Variants in RASEF observed in about 807,000 individuals in gnomAD.
RASEF encodes ras and EF-hand domain-containing protein.
RASEF carries 68 observed loss-of-function variants against 90.1 expected under a neutral mutation model. That is an observed-to-expected ratio of 0.75 (90% CI 0.62 to 0.92). The LOEUF is 0.92. RASEF is among the 40% of genes least tolerant of loss of function. RASEF has a pLI of 0.00. For synonymous variants in RASEF, 331 were observed against 345.2 expected (o/e 0.96, Z 0.46); for missense variants, 949 against 937.2 (o/e 1.01, Z -0.16).
intron 5 of RASEF, among the ~76,000 whole-genome samples, chr9:83,012,021 T>C (rs1286959630): frequency 1.3e-5 from 2 of 152,076 alleles, no homozygotes; most frequent in African/African-American, 2.4e-5. Context: ...TATGTAAATG[T>C]TACCAATTTT....
the RASEF span, among the ~76,000 whole-genome samples, chr9:83,108,606 T>C: frequency 0.032 from 4,816 of 152,196 alleles, 260 homozygotes; most frequent in African/African-American, 0.11. Context: ...AAGTAAAAAA[T>C]GTGATATAAT....
intron 1 of RASEF, among the ~76,000 whole-genome samples, chr9:83,061,639 A>T (rs906367118): frequency 6.6e-6 from 1 of 152,208 alleles, no homozygotes; most frequent in Non-Finnish European, 1.5e-5. Context: ...CAGGCCCTGA[A>T]ATCCCACCTG....
the RASEF span, among the ~76,000 whole-genome samples, chr9:83,109,877 T>A: frequency 1.3e-5 from 2 of 152,180 alleles, no homozygotes; most frequent in Non-Finnish European, 2.9e-5. Flanking sequence ...TTTTATGGAT[T>A]CATAAGAGGC....
At chr9:83,011,494 G>C (rs1256040223) in intron 5 of RASEF, among the ~76,000 whole-genome samples, 1 of 128,102 alleles carries the variant, frequency 7.8e-6, no homozygotes, top group Non-Finnish European at 1.6e-5. Context: ...GGAGGTTGCA[G>C]TGAGCCAAGA....
At chr9:83,176,290 C>T in the RASEF span, among the ~76,000 whole-genome samples, 5 of 152,072 alleles carry the variant, frequency 3.3e-5, no homozygotes, top group Non-Finnish European at 7.4e-5. Context: ...ATCTGTTTGT[C>T]TCATATTAGT....
chr9:83,196,470 T>A, the RASEF span, among the ~76,000 whole-genome samples: 4 of 152,160 alleles, frequency 2.6e-5, no homozygotes, highest in African/African-American at 9.7e-5. Flanking sequence ...CACAGCAGCC[T>A]TGTACACCCC....
At chr9:83,165,815 A>T in the RASEF span, among the ~76,000 whole-genome samples, 1 of 152,150 alleles carries the variant, frequency 6.6e-6, no homozygotes, top group Non-Finnish European at 1.5e-5. Flanking sequence ...ATGAAATGAA[A>T]GAGGGGACAT....
the RASEF span, among the ~76,000 whole-genome samples, chr9:83,080,899 T>C: frequency 6.6e-6 from 1 of 152,186 alleles, no homozygotes; most frequent in African/African-American, 2.4e-5. Flanking sequence ...AAAATGTTAG[T>C]AAGAGAAGGG....
At chr9:83,026,992 T>C (rs1310985552) in intron 1 of RASEF, among the ~76,000 whole-genome samples, 1 of 152,140 alleles carries the variant, frequency 6.6e-6, no homozygotes, top group South Asian at 2.1e-4. Flanking sequence ...ACCAATCACC[T>C]ATAAATCAGG....
At chr9:82,992,165 T>G (rs1828828204) in intron 15 of RASEF, among the ~76,000 whole-genome samples, 1 of 151,740 alleles carries the variant, frequency 6.6e-6, no homozygotes, top group South Asian at 2.1e-4. Context: ...AGTAGTCCTT[T>G]CCTGGTGCTG....
At chr9:83,007,730 C>A (rs1337841497) in intron 6 of RASEF, among the ~76,000 whole-genome samples, 2 of 152,152 alleles carry the variant, frequency 1.3e-5, no homozygotes, top group Admixed American at 1.3e-4. Flanking sequence ...TCCTGTGAGT[C>A]TCTGCCCCGC....
chr9:83,185,880 G>A, the RASEF span, among the ~76,000 whole-genome samples: 4 of 152,078 alleles, frequency 2.6e-5, no homozygotes, highest in Non-Finnish European at 5.9e-5. Flanking sequence ...CAGCAACCCC[G>A]AGATTCCACC....
rs572010321 is a variant in RASEF, at chr9:83,044,989, A to G, written c.431+17448T>C. ...ACCTTTTCACCGGGACTGCAACTTC[A>G]ACCCCTCCCTGGGTCTCCAGCCTGC... On this transcript the variant is annotated intron_variant, in intron 1 of 16. Coordinates refer to ENST00000376447, the MANE Select transcript of RASEF (RefSeq NM_152573.4). Among the ~76,000 whole-genome samples, 491 of 152,284 alleles carry G rather than the reference A, an allele frequency of 3.2e-3. 3 individuals are homozygous for G. Among genetic ancestry groups the G allele is most frequent in the African/African-American group, 0.011 (457 of 41,576 alleles).
At chr9:82,998,490 C>T in intron 12 of RASEF, 44 bp from the exon 13 acceptor site, 1 of 1,272,726 alleles carries the variant, frequency 7.9e-7, no homozygotes, top group East Asian at 2.3e-5. Flanking sequence ...TAAATAATTC[C>T]ATTGGCTTTT....
At chr9:83,048,164 C>T in intron 1 of RASEF, 4 of 985,426 alleles carry the variant, frequency 4.1e-6, no homozygotes, top group Non-Finnish European at 4.8e-6. Context: ...CTCCATCAAT[C>T]ACAGCCCACA....
the RASEF span, among the ~76,000 whole-genome samples, chr9:83,077,678 G>A: frequency 5.3e-5 from 8 of 152,280 alleles, no homozygotes; most frequent in East Asian, 1.9e-4. Flanking sequence ...AATTATTACC[G>A]TGTTATCATC....
At chr9:83,183,211 A>AT in the RASEF span, among the ~76,000 whole-genome samples, 132,423 of 151,856 alleles carry the variant, frequency 0.87, 57,843 homozygotes, top group African/African-American at 0.92. Context: ...AAAGAAAAAA[A>AT]CATAAAAGGA....
At chr9:83,128,919 C>G in the RASEF span, among the ~76,000 whole-genome samples, 1 of 152,160 alleles carries the variant, frequency 6.6e-6, no homozygotes, top group Non-Finnish European at 1.5e-5. Context: ...AAAAATTCTG[C>G]ATTAATACAC....
rs576731713 is a variant in RASEF at position 83,003,716 on chromosome 9, A to G, written c.1202+782T>C. Among the ~76,000 whole-genome samples the G allele has an allele frequency of 4.1e-4, 63 of 152,302 alleles. 1 individual carries two copies. The highest frequency in any genetic ancestry group is 1.5e-3 in the African/African-American group (63 of 41,566). ...CAACCTGACCATTTCTAACACCAGG[A>G]TGTTAAGTACATTATTCTTTTTATC... On this transcript the variant is annotated intron_variant, in intron 9 of 16. Coordinates refer to ENST00000376447, the MANE Select transcript of RASEF (RefSeq NM_152573.4).
Sources: allele counts gnomAD v4.1 joint callset (sites outside exome capture counted in the v4.1 genomes callset), GRCh38; gene constraint gnomAD v4.1.1; transcripts MANE v1.5; gene names NCBI Gene and HGNC (gene_info 2026-07-23, HGNC 2026-07-21).